The following MORN1 variants were observed in gnomAD, a reference collection of about 807,000 sequenced individuals.
MORN1 encodes MORN repeat containing 1.
A neutral mutation model predicts 61.9 loss-of-function variants in MORN1; 67 were observed. That is an observed-to-expected ratio of 1.08 (90% confidence interval 0.89 to 1.33). The LOEUF (loss-of-function observed/expected upper bound fraction) is 1.33, where lower values mean the gene tolerates loss of function less well. Among genes scored for constraint, MORN1 ranks in the 40% most tolerant of loss-of-function variants. The pLI is 0.00. For missense variants in MORN1, 752 were observed against 691.2 expected (o/e 1.09, Z -0.99); for synonymous variants, 301 against 292.0 (o/e 1.03, Z -0.31).
At chr1:2,358,821 C>A in intron 8 of MORN1, 106 bp from the exon 9 acceptor site, 2 of 1,367,322 alleles carry the variant, frequency 1.5e-6, no homozygotes, top group Non-Finnish European at 9.9e-7. Flanking sequence ...CTCAGCGGGG[C>A]CACATTTGCC....
intron 12 of MORN1, chr1:2,332,133 G>A (rs1211594958): frequency 5.8e-6 from 1 of 171,880 alleles, no homozygotes; most frequent in Non-Finnish European, 1.2e-5. Context: ...CTCTGATGTG[G>A]GCTTTGAGGG....
intron 10 of MORN1, among the ~76,000 whole-genome samples, chr1:2,356,871 T>C (rs1465242810): frequency 6.6e-6 from 1 of 152,196 alleles, no homozygotes; most frequent in Non-Finnish European, 1.5e-5. Context: ...GCACATTCTA[T>C]GGAAGTGCAG....
chr1:2,358,099 G>A (rs1282756537), intron 9 of MORN1, among the ~76,000 whole-genome samples: 3 of 152,164 alleles, frequency 2.0e-5, no homozygotes, highest in African/African-American at 7.2e-5. Flanking sequence ...CTGCAGCTCA[G>A]GCCTCTGTTT....
chr1:2,336,594 G>T (rs1376650715), intron 11 of MORN1, 46 bp from the exon 12 acceptor site: 8 of 1,607,636 alleles, frequency 5.0e-6, no homozygotes, highest in Non-Finnish European at 6.8e-6. Flanking sequence ...GGCTCAGAAG[G>T]TGGGCCTAGG....
chr1:2,322,103 G>C (rs1323748840), intron 13 of MORN1: 1 of 985,442 alleles, frequency 1.0e-6, no homozygotes, highest in Non-Finnish European at 1.2e-6. Context: ...GGGGCTCTCC[G>C]GGTGGGGCTG....
chr1:2,323,270 G>A (rs1473199781), intron 13 of MORN1: 3 of 985,372 alleles, frequency 3.0e-6, no homozygotes, highest in Non-Finnish European at 3.6e-6. Context: ...CCGTCCCCAC[G>A]ACCAGGGTGG....
At chr1:2,355,378 T>C (rs1641740924) in intron 10 of MORN1, 1 of 1,547,076 alleles carries the variant, frequency 6.5e-7, no homozygotes, top group South Asian at 1.2e-5. Flanking sequence ...CATGCTCTTT[T>C]ATATGATGAA....
chr1:2,375,352 C>T (rs541558735), intron 6 of MORN1: 11 of 152,364 alleles, frequency 7.2e-5, no homozygotes, highest in East Asian at 1.9e-4. Flanking sequence ...GTCTGCAGGG[C>T]GCAGCGTGTG....
At chr1:2,332,587 G>A (rs770645220) in intron 12 of MORN1, 20 of 456,352 alleles carry the variant, frequency 4.4e-5, no homozygotes, top group South Asian at 1.4e-4. Flanking sequence ...GCAGACCTCC[G>A]GCACAGGCCC....
In MORN1 at chr1:2,358,684, C is replaced by A. The variant is rs777360581; in HGVS notation, c.777G>T (p.Ala259=). The A allele has an allele frequency of 8.7e-6, 14 of 1,613,348 alleles. No homozygotes were observed. Among genetic ancestry groups the A allele is most frequent in the Non-Finnish European group, 1.2e-5 (14 of 1,179,734 alleles). The part of the protein sequence containing the change: ...SESGRVLQIS[A]GVRYVQLSAY... The stretch of plus-strand genomic sequence containing the variant: ...CTGACAGCTGCACGTATCTGACGCC[C>A]GCTGAGATCTGCAGGACCCGGCCGC... The change falls in exon 9 of 14, where the codon GCG becomes GCT. Residue 259 remains alanine, a synonymous_variant. Coordinates refer to ENST00000378531, the MANE Select transcript of MORN1 (RefSeq NM_024848.3).
At chr1:2,359,700 T>G (rs889628825) in intron 8 of MORN1, among the ~76,000 whole-genome samples, 1 of 152,082 alleles carries the variant, frequency 6.6e-6, no homozygotes, top group Admixed American at 6.5e-5. Context: ...CTGGCCAACA[T>G]GGCGAAACCT....
chr1:2,322,544 T>C (rs1569895692), intron 13 of MORN1: 1 of 983,280 alleles, frequency 1.0e-6, no homozygotes, highest in Non-Finnish European at 1.2e-6. Flanking sequence ...TGGCCCCGAG[T>C]CAGCTCCTTT....
intron 10 of MORN1, 100 bp from the exon 11 acceptor site, chr1:2,336,950 C>G: frequency 7.9e-7 from 1 of 1,273,264 alleles, no homozygotes; most frequent in Non-Finnish European, 1.0e-6. Context: ...GCCAGGGCAG[C>G]GGGCACAGAC....
intron 10 of MORN1, among the ~76,000 whole-genome samples, chr1:2,347,521 G>A (rs1641542750): frequency 6.6e-6 from 1 of 152,150 alleles, no homozygotes; most frequent in South Asian, 2.1e-4. Flanking sequence ...GGCGCCCCCA[G>A]GCCCACACAC....
chr1:2,362,441 C>T (rs1641909393), intron 8 of MORN1, among the ~76,000 whole-genome samples: 1 of 151,534 alleles, frequency 6.6e-6, no homozygotes. Flanking sequence ...GTCAACTGTA[C>T]AGCTATAGAA....
In MORN1 at chr1:2,344,844, G is replaced by C. The variant is rs566743946; in HGVS notation, c.1037-7994C>G. On this transcript the variant is annotated intron_variant, in intron 10 of 13. Coordinates refer to ENST00000378531, the MANE Select transcript of MORN1 (RefSeq NM_024848.3). ...TCCACCTTCCAGCAGCAAATGCCAA[G>C]TCCCCGAATGCAGAATTCTGCCAGA... Among the ~76,000 whole-genome samples the C allele has an allele frequency of 2.0e-3, 305 of 152,358 alleles. 1 individual carries two copies. The highest frequency in any genetic ancestry group is 2.5e-3 in the Non-Finnish European group (167 of 68,018).
intron 10 of MORN1, among the ~76,000 whole-genome samples, chr1:2,343,652 C>T (rs1641449083): frequency 6.6e-6 from 1 of 152,184 alleles, no homozygotes; most frequent in African/African-American, 2.4e-5. Flanking sequence ...AGGCCAGGAG[C>T]CACCCTGCCA....
intron 8 of MORN1, among the ~76,000 whole-genome samples, chr1:2,359,797 C>T (rs1021879340): frequency 4.0e-4 from 61 of 151,934 alleles, no homozygotes; most frequent in African/African-American, 1.1e-3. Flanking sequence ...GCAGGAGAAT[C>T]GCTTGAACCC....
chr1:2,363,827 A>ATATATATAT (rs59002493), intron 8 of MORN1, among the ~76,000 whole-genome samples: 2 of 78,422 alleles, frequency 2.6e-5, no homozygotes, highest in African/African-American at 7.6e-5. Context: ...TATATATATA[A>ATATATATAT]AAAAAATCAG....
Sources: allele counts gnomAD v4.1 joint callset (sites outside exome capture counted in the v4.1 genomes callset), GRCh38; gene constraint gnomAD v4.1.1; transcripts MANE v1.5; gene names NCBI Gene and HGNC (gene_info 2026-07-23, HGNC 2026-07-21).